WWOX: variants seen among roughly 807,000 people sequenced by gnomAD.
WWOX encodes the protein WW domain-containing oxidoreductase.
In WWOX, 69 loss-of-function variants were observed where a neutral mutation model predicts 46.2. The observed-to-expected ratio is 1.49, with a 90% CI of 1.23 to 1.82. The LOEUF (loss-of-function observed/expected upper bound fraction) is 1.82, where lower values mean the gene tolerates loss of function less well. WWOX is among the 40% of genes most tolerant of loss of function. The pLI is 0.00. For missense variants in WWOX, 919 were observed against 542.6 expected (o/e 1.69, Z -6.89); for synonymous variants, 359 against 202.6 (o/e 1.77, Z -6.56).
Position 79,211,880 on chromosome 16 carries a change from G to T in WWOX, c.*84G>T, listed in dbSNP as rs776837612. The T allele has an allele frequency of 2.3e-5, 36 of 1,586,258 alleles. No homozygotes were observed. Among genetic ancestry groups the T allele is most frequent in the Non-Finnish European group, 3.0e-5 (35 of 1,168,522 alleles). On this transcript the variant is annotated 3_prime_UTR_variant, in exon 9 of 9. Coordinates refer to ENST00000566780, the MANE Select transcript of WWOX (RefSeq NM_016373.4). ...TGCCAGGGCTGGGCCCCTTCCAAAT[G>T]TCCCTCCAACACAGATCCGCAAGAG...
At chr16:78,728,249 G>T (rs1334154287) in intron 8 of WWOX, among the ~76,000 whole-genome samples, 4 of 151,528 alleles carry the variant, frequency 2.6e-5, no homozygotes, top group Non-Finnish European at 4.4e-5. Context: ...ATTTTTTGTA[G>T]AGATGGGGTC....
intron 8 of WWOX, among the ~76,000 whole-genome samples, chr16:78,612,345 T>C (rs1486384039): frequency 6.6e-6 from 1 of 152,250 alleles, no homozygotes; most frequent in Non-Finnish European, 1.5e-5. Flanking sequence ...GTCCATACAT[T>C]TGATGGGTCA....
At chr16:79,086,241 G>T (rs2048852088) in intron 8 of WWOX, among the ~76,000 whole-genome samples, 2 of 152,272 alleles carry the variant, frequency 1.3e-5, no homozygotes, top group African/African-American at 4.8e-5. Context: ...AGCATTTTCT[G>T]TCTGAGAAGT....
intron 8 of WWOX, among the ~76,000 whole-genome samples, chr16:78,596,083 C>G (rs1490494874): frequency 6.6e-6 from 1 of 151,948 alleles, no homozygotes; most frequent in African/African-American, 2.4e-5. Context: ...TTCAAAATTT[C>G]TAATCATGTG....
At chr16:78,413,195 C>T (rs750436235) in intron 6 of WWOX, among the ~76,000 whole-genome samples, 23 of 152,136 alleles carry the variant, frequency 1.5e-4, no homozygotes, top group East Asian at 3.9e-4. Context: ...TCAATCTCCC[C>T]GAGAATTCAG....
intron 8 of WWOX, among the ~76,000 whole-genome samples, chr16:79,135,994 T>C (rs890004188): frequency 6.6e-6 from 1 of 152,196 alleles, no homozygotes; most frequent in African/African-American, 2.4e-5. Context: ...ATTTTAATGT[T>C]TGTCGTTTGT....
chr16:78,812,726 C>G (rs1597655193), intron 8 of WWOX, among the ~76,000 whole-genome samples: 1 of 148,534 alleles, frequency 6.7e-6, no homozygotes, highest in East Asian at 1.9e-4. Flanking sequence ...ACTCCATCCT[C>G]CCACCCCCTA....
At chr16:78,202,190 C>G (rs774658278) in intron 5 of WWOX, among the ~76,000 whole-genome samples, 1 of 152,196 alleles carries the variant, frequency 6.6e-6, no homozygotes, top group Non-Finnish European at 1.5e-5. Flanking sequence ...CCAGTAATGT[C>G]TTGGGGACAG....
chr16:78,425,118 AG>A, intron 7 of WWOX, 63 bp downstream of exon 7: 1 of 1,598,722 alleles, frequency 6.3e-7, no homozygotes, highest in South Asian at 1.1e-5. Flanking sequence ...TATTCCCCCA[AG>A]GCTCTCATTC....
intron 8 of WWOX, among the ~76,000 whole-genome samples, chr16:78,655,277 A>G (rs367812063): frequency 3.9e-5 from 6 of 152,074 alleles, no homozygotes; most frequent in African/African-American, 1.4e-4. Context: ...CACTAATTTG[A>G]TTTGATCACT....
chr16:78,504,928 A>G (rs1464050811), intron 8 of WWOX, among the ~76,000 whole-genome samples: 2 of 152,144 alleles, frequency 1.3e-5, no homozygotes, highest in African/African-American at 4.8e-5. Context: ...ATGACTGGGA[A>G]ACGTTGCAGG....
chr16:78,376,148 C>G (rs189910272), intron 5 of WWOX, among the ~76,000 whole-genome samples: 1 of 152,292 alleles, frequency 6.6e-6, no homozygotes, highest in East Asian at 1.9e-4. Flanking sequence ...CCACGCCCAG[C>G]CGCTTCTCGT....
chr16:78,801,962 G>C (rs1237610769), intron 8 of WWOX, among the ~76,000 whole-genome samples: 14 of 152,156 alleles, frequency 9.2e-5, no homozygotes, highest in Admixed American at 9.2e-4. Context: ...GGTAAGAACA[G>C]AATCTGCCTT....
At chr16:78,369,050 T>C (rs920587175) in intron 5 of WWOX, among the ~76,000 whole-genome samples, 4 of 150,972 alleles carry the variant, frequency 2.6e-5, no homozygotes, top group Non-Finnish European at 5.9e-5. Context: ...TCCTCTATCC[T>C]TTTTCTTTCC....
chr16:78,870,530 G>T (rs1237047493), intron 8 of WWOX, among the ~76,000 whole-genome samples: 1 of 151,632 alleles, frequency 6.6e-6, no homozygotes, highest in East Asian at 1.9e-4. Flanking sequence ...AACCCTTACT[G>T]ATCTTTTAAA....
chr16:78,758,301 G>T (rs182531937), intron 8 of WWOX, among the ~76,000 whole-genome samples: 4 of 152,226 alleles, frequency 2.6e-5, no homozygotes, highest in Admixed American at 2.6e-4. Context: ...TTCTCTTTGG[G>T]CAAATGGAAG....
chr16:78,337,387 T>C (rs1354549836), intron 5 of WWOX, among the ~76,000 whole-genome samples: 2 of 152,208 alleles, frequency 1.3e-5, no homozygotes, highest in African/African-American at 4.8e-5. Context: ...CTGTCCTGTG[T>C]ACCCACTGAT....
intron 8 of WWOX, among the ~76,000 whole-genome samples, chr16:78,677,948 C>T (rs957533571): frequency 2.0e-5 from 3 of 152,182 alleles, no homozygotes; most frequent in Non-Finnish European, 4.4e-5. Flanking sequence ...CAAATATGTC[C>T]TTTTCAGGGA....
chr16:78,570,757 A>G (rs1182041683), intron 8 of WWOX, among the ~76,000 whole-genome samples: 1 of 152,188 alleles, frequency 6.6e-6, no homozygotes, highest in Admixed American at 6.5e-5. Flanking sequence ...AAACACCAAG[A>G]TAAAATATAT....
Sources: gnomAD v4.1 joint callset for allele counts (sites outside exome capture counted in the v4.1 genomes callset) on GRCh38, gnomAD v4.1.1 for gene constraint, MANE v1.5 for transcripts, NCBI Gene and HGNC (gene_info 2026-07-23, HGNC 2026-07-21) for gene names.